GNG2: variants seen among roughly 807,000 people sequenced by gnomAD.
The protein encoded by GNG2 is G protein subunit gamma 2.
GNG2 carries 5 observed loss-of-function variants against 5.5 expected under a neutral mutation model. The observed-to-expected ratio is 0.91, with a 90% CI of 0.48 to 1.92. GNG2 has a LOEUF of 1.92. GNG2 is among the 30% of genes most tolerant of loss of function. The pLI, the probability that GNG2 is intolerant of heterozygous loss-of-function variation, is 0.01. For synonymous variants in GNG2, 28 were observed against 32.0 expected, an observed-to-expected ratio of 0.88 and a Z score of 0.42; for missense variants, 55 against 88.4, an observed-to-expected ratio of 0.62 and a Z score of 1.52.
intron 2 of GNG2, among the ~76,000 whole-genome samples, chr14:51,844,960 C>T (rs1333428203): frequency 2.0e-5 from 3 of 151,982 alleles, no homozygotes; most frequent in African/African-American, 7.3e-5. Flanking sequence ...CTCTTGACCT[C>T]GTGATCCTTC....
At chr14:51,926,695 A>C (rs1693199) in intron 2 of GNG2, among the ~76,000 whole-genome samples, 23,143 of 151,926 alleles carry the variant, frequency 0.15, 3,240 homozygotes, top group African/African-American at 0.35. Flanking sequence ...TCCGGTGTGG[A>C]ACCTGGGATT....
chr14:51,881,082 C>A (rs903687697), intron 2 of GNG2, among the ~76,000 whole-genome samples: 48 of 151,490 alleles, frequency 3.2e-4, no homozygotes, highest in Non-Finnish European at 5.9e-4. Flanking sequence ...CAGGCTCCTG[C>A]ACTTTGCCTC....
At chr14:51,939,687 G>A (rs1888204802) in intron 2 of GNG2, 1 of 152,164 alleles carries the variant, frequency 6.6e-6, no homozygotes, top group African/African-American at 2.4e-5. Context: ...GCTCCCTTGG[G>A]TTATTTTCTT....
At chr14:51,865,712 TA>T (rs916579266) in intron 1 of GNG2, among the ~76,000 whole-genome samples, 5 of 151,276 alleles carry the variant, frequency 3.3e-5, no homozygotes, top group African/African-American at 4.9e-5. Flanking sequence ...ATATTTTGTT[TA>T]AAAAAAAAGA....
intron 2 of GNG2, among the ~76,000 whole-genome samples, chr14:51,880,613 T>C (rs975845869): frequency 4.6e-5 from 7 of 152,158 alleles, no homozygotes; most frequent in Admixed American, 3.3e-4. Flanking sequence ...AAATCCACTT[T>C]TAGACACTTC....
chr14:51,944,744 A>G (rs565970589), intron 2 of GNG2, among the ~76,000 whole-genome samples: 14 of 152,376 alleles, frequency 9.2e-5, no homozygotes, highest in African/African-American at 3.4e-4. Flanking sequence ...GAATTTGTAT[A>G]TAACACCAGA....
chr14:51,856,589 C>T (rs1274432265), upstream of GNG2, among the ~76,000 whole-genome samples: 1 of 152,068 alleles, frequency 6.6e-6, no homozygotes, highest in Non-Finnish European at 1.5e-5. Flanking sequence ...TGCACCACTA[C>T]ACCCGGCTTA....
intron 3 of GNG2, among the ~76,000 whole-genome samples, chr14:51,959,165 T>C (rs1419923846): frequency 6.6e-6 from 1 of 152,176 alleles, no homozygotes; most frequent in Non-Finnish European, 1.5e-5. Context: ...ATTACTCAGC[T>C]CTACTTTCTT....
Position 51,863,146 on chromosome 14 carries a change from T to TA in GNG2, c.-71+2360dup, listed in dbSNP as rs1882637639. On this transcript the variant is annotated intron_variant, in intron 1 of 3. Coordinates refer to ENST00000556766, the MANE Select transcript of GNG2 (RefSeq NM_053064.5). ...AGAAAGCAGGCCCAACTTTTAAGTC[T>TA]AAAAGCTGTATAGTCAAAGTAGAAA... is the stretch of plus-strand genomic sequence containing the variant. Among the ~76,000 whole-genome samples the TA allele has an allele frequency of 2.0e-5, 3 of 152,228 alleles. No individual in the cohort carries two copies. In the South Asian group the frequency reaches 6.2e-4, roughly 31 times the overall value.
At chr14:51,935,021 C>CTTTTTTTTTTTT in intron 2 of GNG2, among the ~76,000 whole-genome samples, 1 of 111,302 alleles carries the variant, frequency 9.0e-6, no homozygotes, top group South Asian at 2.9e-4. Flanking sequence ...AGCCCAGTTT[C>CTTTTTTTTTTTT]TTTCTTTTTT....
At position 51,911,807 on chromosome 14, in the gene GNG2, CCAAAGCACTGGGATTA is replaced by C. The variant is rs2140203605; in HGVS notation, c.-30+34153_-30+34168del. On this transcript the variant is annotated intron_variant, in intron 2 of 3. Coordinates refer to ENST00000556766, the MANE Select transcript of GNG2 (RefSeq NM_053064.5). ...CCAGTGATCTGCCTACTTTGGCCTC[CCAAAGCACTGGGATTA>C]CAGGCGTGAGCCACCATGCCCATCC... Among the ~76,000 whole-genome samples the C allele has an allele frequency of 1.3e-5, 2 of 148,208 alleles. 1 individual carries two copies. Among genetic ancestry groups the C allele is most frequent in the South Asian group, 4.4e-4 (2 of 4,554 alleles).
chr14:51,958,306 A>G (rs1889384079), intron 3 of GNG2, among the ~76,000 whole-genome samples: 2 of 152,018 alleles, frequency 1.3e-5, no homozygotes, highest in Non-Finnish European at 2.9e-5. Flanking sequence ...GGTTCCTTTG[A>G]GAATGGTATT....
chr14:51,886,191 G>A (rs1884450077), intron 2 of GNG2, among the ~76,000 whole-genome samples: 2 of 152,218 alleles, frequency 1.3e-5, no homozygotes, highest in South Asian at 4.1e-4. Flanking sequence ...GAAGAAGCAT[G>A]ACATATCAAC....
At chr14:51,931,904 A>T (rs955783253) in intron 2 of GNG2, among the ~76,000 whole-genome samples, 1 of 152,162 alleles carries the variant, frequency 6.6e-6, no homozygotes, top group Non-Finnish European at 1.5e-5. Flanking sequence ...ACCACTGTTC[A>T]CTATAGCCAG....
rs964492599 is a variant in GNG2, at chr14:51,968,833, C to T, written c.*2146C>T. 1.3e-5 allele frequency: 2 copies of T among 152,144 alleles called. No individual in the cohort carries two copies. Among genetic ancestry groups the T allele is most frequent in the South Asian group, 4.2e-4 (2 of 4,814 alleles). The allele number at this position is 152,144 out of a possible 1,614,324, so 9.4% of individuals were successfully genotyped here. ...CTGAGGCATCATTAGAAGGCCCAGACGATTTCCACTATTCACAGCATTTCC... is the reference window on the plus strand; with the variant it reads ...CTGAGGCATCATTAGAAGGCCCAGATGATTTCCACTATTCACAGCATTTCC... On this transcript the variant is annotated 3_prime_UTR_variant, in exon 4 of 4. Coordinates refer to ENST00000556766, the MANE Select transcript of GNG2 (RefSeq NM_053064.5).
chr14:51,855,549 C>A (rs369890537), upstream of GNG2, among the ~76,000 whole-genome samples: 5 of 152,124 alleles, frequency 3.3e-5, no homozygotes, highest in Non-Finnish European at 5.9e-5. Context: ...CCAAGAAATG[C>A]CTGGAATTCT....
rs578105527 is a variant in GNG2 at position 51,901,506 on chromosome 14, CTT to C, written c.-30+23851_-30+23852del. Reference sequence around the variant, plus strand: ...ACCACGCCCAGCTGAGAAAGTATCTCTTTATTGAGATTATAAGGCATCTTATC... The same window carrying C: ...ACCACGCCCAGCTGAGAAAGTATCTCTATTGAGATTATAAGGCATCTTATC... On this transcript the variant is annotated intron_variant, in intron 2 of 3. Transcript: ENST00000556766. 2.6e-3 allele frequency among the ~76,000 whole-genome samples: 400 copies of C among 152,200 alleles called. 1 individual carries two copies. Among genetic ancestry groups the C allele is most frequent in the Non-Finnish European group, 3.4e-3 (230 of 68,002 alleles).
chr14:51,946,155 A>G (rs1888630798), intron 2 of GNG2, among the ~76,000 whole-genome samples: 1 of 152,200 alleles, frequency 6.6e-6, no homozygotes, highest in South Asian at 2.1e-4. Flanking sequence ...CAGAAGTCAC[A>G]ACATGAGCAA....
intron 2 of GNG2, among the ~76,000 whole-genome samples, chr14:51,935,502 C>A (rs1887939855): frequency 6.6e-6 from 1 of 152,128 alleles, no homozygotes; most frequent in Non-Finnish European, 1.5e-5. Flanking sequence ...GGAAGAAAAG[C>A]AACTTAGTGA....
Sources: gnomAD v4.1 joint callset for allele counts (sites outside exome capture counted in the v4.1 genomes callset) on GRCh38, gnomAD v4.1.1 for gene constraint, MANE v1.5 for transcripts, NCBI Gene and HGNC (gene_info 2026-07-23, HGNC 2026-07-21) for gene names.